The following GADL1 variants were observed in gnomAD, a reference collection of about 807,000 sequenced individuals.
GADL1 encodes acidic amino acid decarboxylase GADL1.
Under a neutral mutation model 69.5 loss-of-function variants are expected in GADL1, and 71 were observed. That is an observed-to-expected ratio of 1.02 (90% CI 0.84 to 1.25). The LOEUF (loss-of-function observed/expected upper bound fraction) is 1.25. Ranked by LOEUF, GADL1 falls within the 50% of genes most tolerant of loss-of-function variation. The pLI is 0.00. For synonymous variants in GADL1, 254 were observed against 214.4 expected (o/e 1.18, Z -1.62); for missense variants, 737 against 631.8 (o/e 1.17, Z -1.79).
intron 11 of GADL1, among the ~76,000 whole-genome samples, chr3:30,831,329 G>A (rs1697788849): frequency 1.3e-5 from 2 of 151,762 alleles, no homozygotes; most frequent in Non-Finnish European, 2.9e-5. Context: ...TTTAAAAAGG[G>A]CGTTCCTTTC....
intron 11 of GADL1, among the ~76,000 whole-genome samples, chr3:30,831,292 C>CT (rs1314363684): frequency 6.6e-6 from 1 of 151,822 alleles, no homozygotes; most frequent in East Asian, 1.9e-4. Flanking sequence ...CCAAAATACG[C>CT]TTTTTTCAGT....
chr3:30,758,461 C>CTT (rs1299089967), intron 14 of GADL1, among the ~76,000 whole-genome samples: 5 of 152,000 alleles, frequency 3.3e-5, no homozygotes, highest in African/African-American at 7.3e-5. Flanking sequence ...AATGATTGTG[C>CTT]TTGAGAACTT....
intron 8 of GADL1, among the ~76,000 whole-genome samples, chr3:30,841,674 G>A (rs1182087886): frequency 6.6e-6 from 1 of 152,110 alleles, no homozygotes; most frequent in Non-Finnish European, 1.5e-5. Flanking sequence ...GAAGGAATTA[G>A]GACATCACTT....
rs116228403 is a variant in GADL1 at position 30,872,634 on chromosome 3, A to G, written c.38-10869T>C. The stretch of plus-strand genomic sequence containing the variant: ...CATGGTCTTGGTGATACTGTCAGTT[A>G]AATACCCTTTTGTGGGTATCTCCAA... On this transcript the variant is annotated intron_variant, in intron 1 of 14. Transcript: ENST00000282538. Among the ~76,000 whole-genome samples, 1,448 of 152,028 alleles carry G rather than the reference A, an allele frequency of 9.5e-3. 25 individuals carry two copies. Among genetic ancestry groups the G allele is most frequent in the African/African-American group, 0.033 (1,377 of 41,522 alleles).
At chr3:30,864,929 C>T (rs1698376011) in intron 1 of GADL1, among the ~76,000 whole-genome samples, 1 of 151,988 alleles carries the variant, frequency 6.6e-6, no homozygotes, top group Admixed American at 6.6e-5. Flanking sequence ...ATTCTCAACA[C>T]AGTACCTCCT....
At chr3:30,741,337 A>G (rs562217427) in intron 14 of GADL1, among the ~76,000 whole-genome samples, 1 of 151,158 alleles carries the variant, frequency 6.6e-6, no homozygotes, top group Non-Finnish European at 1.5e-5. Flanking sequence ...TAAACATTCA[A>G]TTTTTTACCT....
At chr3:30,882,110 T>C (rs1698651084) in intron 1 of GADL1, among the ~76,000 whole-genome samples, 1 of 151,670 alleles carries the variant, frequency 6.6e-6, no homozygotes, top group African/African-American at 2.4e-5. Context: ...TTTACACACT[T>C]TTCTATCCTT....
intron 14 of GADL1, among the ~76,000 whole-genome samples, chr3:30,756,561 A>G (rs902959499): frequency 6.6e-6 from 1 of 151,912 alleles, no homozygotes; most frequent in African/African-American, 2.4e-5. Context: ...TTTGGTTCAT[A>G]GAAAACAGCA....
intron 6 of GADL1, among the ~76,000 whole-genome samples, chr3:30,846,535 C>G (rs1698060784): frequency 6.6e-6 from 1 of 151,742 alleles, no homozygotes; most frequent in African/African-American, 2.4e-5. Context: ...CTCAAGTTAG[C>G]TGGTAGAGAG....
At chr3:30,754,666 A>G (rs1460614323) in intron 14 of GADL1, among the ~76,000 whole-genome samples, 2 of 152,188 alleles carry the variant, frequency 1.3e-5, no homozygotes, top group Admixed American at 6.5e-5. Flanking sequence ...TATACTGCAG[A>G]CATAAAATCT....
intron 1 of GADL1, among the ~76,000 whole-genome samples, chr3:30,866,643 G>A (rs1341383803): frequency 6.6e-6 from 1 of 151,872 alleles, no homozygotes; most frequent in Non-Finnish European, 1.5e-5. Flanking sequence ...AGTGGTTGGG[G>A]GTTCCCCTGT....
intron 13 of GADL1, among the ~76,000 whole-genome samples, chr3:30,778,502 A>C (rs1260811678): frequency 6.6e-6 from 1 of 152,208 alleles, no homozygotes; most frequent in East Asian, 1.9e-4. Context: ...ATGTGCAAAG[A>C]TCAGGAAAAA....
chr3:30,844,907 C>A (rs1698029684), intron 6 of GADL1, among the ~76,000 whole-genome samples: 1 of 152,152 alleles, frequency 6.6e-6, no homozygotes, highest in Non-Finnish European at 1.5e-5. Context: ...TCTCCTGATG[C>A]TCCTCATAAG....
At chr3:30,878,736 G>A (rs557528126) in intron 1 of GADL1, among the ~76,000 whole-genome samples, 93 of 152,002 alleles carry the variant, frequency 6.1e-4, no homozygotes, top group African/African-American at 2.1e-3. Flanking sequence ...TTTGTTTTAA[G>A]CGTATTGTGG....
chr3:30,794,052 A>G (rs955320282), intron 12 of GADL1, among the ~76,000 whole-genome samples: 2 of 152,220 alleles, frequency 1.3e-5, no homozygotes, highest in Admixed American at 6.5e-5. Context: ...AAATGAAAAC[A>G]AAGACTGTTC....
chr3:30,846,703 T>C (rs1264473823), intron 6 of GADL1, among the ~76,000 whole-genome samples: 1 of 152,158 alleles, frequency 6.6e-6, no homozygotes, highest in Non-Finnish European at 1.5e-5. Flanking sequence ...GCTGGTTTAA[T>C]TCCCCAAGAG....
chr3:30,759,002 A>G (rs1696051597), intron 14 of GADL1, among the ~76,000 whole-genome samples: 1 of 140,662 alleles, frequency 7.1e-6, no homozygotes, highest in Non-Finnish European at 1.6e-5. Flanking sequence ...AAAGTGAGCC[A>G]GCCAGACATA....
intron 14 of GADL1, among the ~76,000 whole-genome samples, chr3:30,758,229 TAC>T (rs980818239): frequency 5.3e-5 from 8 of 152,216 alleles, no homozygotes; most frequent in Admixed American, 1.3e-4. Flanking sequence ...ACTATCCACA[TAC>T]AGTTGCATGC....
chr3:30,728,062 C>A lies in GADL1; in HGVS notation c.*180G>T. 3.9e-6 allele frequency: 2 copies of A among 510,824 alleles called. No individual in the cohort carries two copies. The highest frequency in any genetic ancestry group is 7.0e-6 in the Non-Finnish European group (2 of 287,370). The allele number at this position is 510,824 out of a possible 1,614,324, so 31.6% of individuals were successfully genotyped here. A position where few individuals can be genotyped will look rare whatever the true frequency, so the allele number is the denominator to read the frequency against. On this transcript the variant is annotated 3_prime_UTR_variant, in exon 15 of 15. Transcript: ENST00000282538. ...CTTTCTTCTTTTAGCAACAGTAATG[C>A]CCAGGCAGCTAGAGAGTCCTTAATA...
Sources: gnomAD v4.1 joint callset for allele counts (sites outside exome capture counted in the v4.1 genomes callset) on GRCh38, gnomAD v4.1.1 for gene constraint, MANE v1.5 for transcripts, NCBI Gene and HGNC (gene_info 2026-07-23, HGNC 2026-07-21) for gene names.